ADGRL3: variants seen among roughly 807,000 people sequenced by gnomAD.
ADGRL3 encodes calcium-independent alpha-latrotoxin receptor 3.
ADGRL3 carries 62 observed loss-of-function variants against 153.5 expected under a neutral mutation model. The ratio of observed to expected loss-of-function variants is 0.40; its 90% confidence interval spans 0.33 to 0.50. ADGRL3 has a LOEUF of 0.50. Among genes scored for constraint, ADGRL3 ranks in the 20% least tolerant of loss-of-function variants. The pLI is 0.47. For synonymous variants in ADGRL3, 710 were observed against 672.5 expected, an observed-to-expected ratio of 1.06 and a Z score of -0.86; for missense variants, 1,641 against 1,859.4, an observed-to-expected ratio of 0.88 and a Z score of 2.16.
intron 5 of ADGRL3, among the ~76,000 whole-genome samples, chr4:61,630,223 G>A (rs1435976980): frequency 6.6e-6 from 1 of 151,960 alleles, no homozygotes; most frequent in East Asian, 1.9e-4. Flanking sequence ...TAATATTTCA[G>A]GCATACTTAA....
chr4:61,649,981 T>C (rs2094186464), intron 5 of ADGRL3, among the ~76,000 whole-genome samples: 1 of 152,178 alleles, frequency 6.6e-6, no homozygotes, highest in Admixed American at 6.5e-5. Context: ...TAGACTTTAC[T>C]GTGACATTTT....
At chr4:61,260,880 C>T (rs1294627131) in intron 1 of ADGRL3, among the ~76,000 whole-genome samples, 1 of 152,052 alleles carries the variant, frequency 6.6e-6, no homozygotes, top group Non-Finnish European at 1.5e-5. Context: ...CGTGTACCAC[C>T]ATGCCTAACT....
At chr4:61,403,387 C>T (rs1301170031) in intron 2 of ADGRL3, among the ~76,000 whole-genome samples, 2 of 151,978 alleles carry the variant, frequency 1.3e-5, no homozygotes, top group Admixed American at 1.3e-4. Context: ...GAAATAGAAT[C>T]AGCCACCATT....
At chr4:61,382,280 G>T (rs1440617195) in intron 1 of ADGRL3, among the ~76,000 whole-genome samples, 1 of 151,016 alleles carries the variant, frequency 6.6e-6, no homozygotes, top group African/African-American at 2.4e-5. Context: ...CTAATACAAA[G>T]AGCTTTGTGT....
intron 5 of ADGRL3, among the ~76,000 whole-genome samples, chr4:61,626,296 G>A (rs185599870): frequency 8.3e-4 from 126 of 151,770 alleles, no homozygotes; most frequent in Non-Finnish European, 1.1e-3. Context: ...ACTGCTTATC[G>A]TCAAGTATTC....
intron 8 of ADGRL3, among the ~76,000 whole-genome samples, chr4:61,749,781 G>GC (rs1210730990): frequency 1.3e-5 from 2 of 151,854 alleles, no homozygotes; most frequent in South Asian, 4.2e-4. Flanking sequence ...AATGGGTGCA[G>GC]TACACCAGCA....
At chr4:61,438,845 C>T (rs1406480275) in intron 2 of ADGRL3, among the ~76,000 whole-genome samples, 2 of 151,702 alleles carry the variant, frequency 1.3e-5, no homozygotes, top group African/African-American at 4.8e-5. Flanking sequence ...GTAGCTGAGA[C>T]TACAGGCGCC....
intron 1 of ADGRL3, among the ~76,000 whole-genome samples, chr4:61,287,070 C>T (rs1303164528): frequency 6.6e-5 from 10 of 151,586 alleles, no homozygotes. Context: ...GGGATTTTTT[C>T]ATAGTAGGGA....
intron 8 of ADGRL3, 62 bp from the exon 9 acceptor site, chr4:61,813,747 A>T: frequency 1.3e-6 from 2 of 1,588,760 alleles, no homozygotes; most frequent in Non-Finnish European, 1.7e-6. Context: ...TCATAAAAAC[A>T]ATTTAAAAAG....
rs570062025 is a variant in ADGRL3 at position 61,613,135 on chromosome 4, G to A, written c.473+25695G>A. Among the ~76,000 whole-genome samples the A allele has an allele frequency of 1.1e-3, 164 of 152,200 alleles. 3 individuals are homozygous for A. The South Asian group carries it at 0.024, about 22-fold the overall frequency. Reference sequence around the variant, plus strand: ...TGGCCTTCAATGCTAAACATGACGTGAACCTCTAAATCCTATCATCTCCTG... The same window carrying A: ...TGGCCTTCAATGCTAAACATGACGTAAACCTCTAAATCCTATCATCTCCTG... On this transcript the variant is annotated intron_variant, in intron 5 of 26. Coordinates refer to ENST00000683033, the MANE Select transcript of ADGRL3 (RefSeq NM_001387552.1).
At chr4:61,833,785 C>T (rs2097901092) in intron 9 of ADGRL3, among the ~76,000 whole-genome samples, 1 of 152,054 alleles carries the variant, frequency 6.6e-6, no homozygotes, top group South Asian at 2.1e-4. Flanking sequence ...GGGGGTTTGT[C>T]TTGGGAAAGA....
intron 5 of ADGRL3, among the ~76,000 whole-genome samples, chr4:61,618,244 G>T (rs144564031): frequency 0.012 from 1,863 of 152,246 alleles, 43 homozygotes; most frequent in African/African-American, 0.042. Flanking sequence ...TAGAATGGGA[G>T]TAAGGAAAAC....
chr4:61,790,945 G>A (rs1021899947), intron 8 of ADGRL3, among the ~76,000 whole-genome samples: 1 of 152,090 alleles, frequency 6.6e-6, no homozygotes, highest in Admixed American at 6.5e-5. Context: ...GCAGGAGAAA[G>A]ACCCACCCCC....
At chr4:61,338,298 A>G (rs574916516) in intron 1 of ADGRL3, among the ~76,000 whole-genome samples, 2 of 151,828 alleles carry the variant, frequency 1.3e-5, no homozygotes, top group African/African-American at 2.4e-5. Flanking sequence ...AAAGACTTCC[A>G]TGACAATACA....
At chr4:61,939,252 T>C (rs905112027) in intron 15 of ADGRL3, among the ~76,000 whole-genome samples, 3 of 152,066 alleles carry the variant, frequency 2.0e-5, no homozygotes, top group African/African-American at 4.8e-5. Context: ...GAGAAATAAT[T>C]TACATACACT....
At chr4:61,478,711 GC>G (rs1327900256) in intron 2 of ADGRL3, among the ~76,000 whole-genome samples, 1 of 151,908 alleles carries the variant, frequency 6.6e-6, no homozygotes, top group African/African-American at 2.4e-5. Context: ...ATGATGTTTT[GC>G]CATCTGATGT....
chr4:61,411,556 A>C (rs541403524), intron 2 of ADGRL3, among the ~76,000 whole-genome samples: 1 of 152,334 alleles, frequency 6.6e-6, no homozygotes, highest in African/African-American at 2.4e-5. Flanking sequence ...AGCTATTTCC[A>C]ATTTCAGATG....
chr4:61,523,199 AC>A (rs1269335330), intron 4 of ADGRL3, among the ~76,000 whole-genome samples: 1 of 152,044 alleles, frequency 6.6e-6, no homozygotes, highest in Non-Finnish European at 1.5e-5. Flanking sequence ...TAATTTTGTT[AC>A]TACATTATAG....
chr4:61,987,643 G>A (rs988058268), intron 19 of ADGRL3, among the ~76,000 whole-genome samples: 3 of 152,050 alleles, frequency 2.0e-5, no homozygotes, highest in South Asian at 2.1e-4. Context: ...ATAATAAAGT[G>A]TAGTTAGCCA....
Sources: allele counts gnomAD v4.1 joint callset (sites outside exome capture counted in the v4.1 genomes callset), GRCh38; gene constraint gnomAD v4.1.1; transcripts MANE v1.5; gene names NCBI Gene and HGNC (gene_info 2026-07-23, HGNC 2026-07-21).